The following ATP5F1A variants were observed in gnomAD, a reference collection of about 807,000 sequenced individuals.
The protein encoded by ATP5F1A is ATP synthase F(1) complex subunit alpha, mitochondrial.
Under a neutral mutation model 57.4 loss-of-function variants are expected in ATP5F1A, and 24 were observed. The observed-to-expected ratio is 0.42, with a 90% CI of 0.30 to 0.59. The LOEUF (loss-of-function observed/expected upper bound fraction) is 0.59. Ranked by LOEUF, ATP5F1A falls within the 20% of genes least tolerant of loss-of-function variation. ATP5F1A has a pLI of 0.19. For missense variants in ATP5F1A, 494 were observed against 707.9 expected (o/e 0.70, Z 3.43); for synonymous variants, 251 against 255.5 (o/e 0.98, Z 0.17).
At position 46,095,077 on chromosome 18, in the gene ATP5F1A, A is replaced by C; in HGVS notation, c.115T>G (p.Ser39Ala). The stretch of plus-strand genomic sequence containing the variant: ...CCAGTCTTTTGAAGATGAGTGTTAG[A>C]GGCATGGAAGTTCCTTGCAGCAATG... ...SFIAARNFHASNTHLQKTGTA... is the reference protein window; with the variant it reads ...SFIAARNFHAANTHLQKTGTA... The change falls in exon 2 of 12, where the codon TCT becomes GCT. Residue 39 changes from serine to alanine, a missense_variant. Ser to Ala is a moderately conservative substitution (Grantham distance 99). Around this residue, in one of 6 missense-constraint regions of ATP5F1A, gnomAD observed 142 missense variants for 137.5 expected, o/e 1.03. Coordinates refer to ENST00000398752, the MANE Select transcript of ATP5F1A (RefSeq NM_004046.6). The C allele has an allele frequency of 6.2e-7, 1 of 1,613,656 alleles. No individual in the cohort carries two copies. The highest frequency in any genetic ancestry group is 1.7e-5 in the Admixed American group (1 of 59,970).
At chr18:46,093,529 ACT>A (rs1910714920) in intron 2 of ATP5F1A, among the ~76,000 whole-genome samples, 1 of 151,940 alleles carries the variant, frequency 6.6e-6, no homozygotes, top group African/African-American at 2.4e-5. Context: ...ACAGAGCGAA[ACT>A]CTGTCTCAAA....
intron 2 of ATP5F1A, among the ~76,000 whole-genome samples, chr18:46,093,545 CA>C (rs1910716441): frequency 1.3e-5 from 2 of 151,922 alleles, no homozygotes; most frequent in South Asian, 4.2e-4. Context: ...TCTCAAAAAA[CA>C]AAACAAAACA....
At chr18:46,087,610 T>G in intron 6 of ATP5F1A, 118 bp from the exon 7 acceptor site, 1 of 1,215,874 alleles carries the variant, frequency 8.2e-7, no homozygotes. Context: ...CCAGGCGCAG[T>G]GGCTCATGCC....
intron 8 of ATP5F1A, 155 bp downstream of exon 8, chr18:46,086,853 T>C (rs1359784925): frequency 3.8e-6 from 3 of 793,930 alleles, no homozygotes; most frequent in Non-Finnish European, 6.0e-6. Flanking sequence ...GGGGTTTCAC[T>C]ATGCCATTCT....
intron 3 of ATP5F1A, among the ~76,000 whole-genome samples, chr18:46,090,459 TAGTAGAAAGTGAAATTA>T: frequency 6.6e-6 from 1 of 152,336 alleles, no homozygotes; most frequent in Non-Finnish European, 1.5e-5. Context: ...CTCTTCGAGT[TAGTAGAAAGTGAAATTA>T]AAAGCTACCT....
rs1280455753 is a variant in ATP5F1A at position 46,082,082 on chromosome 18, A to T, written c.*2200T>A. The T allele has an allele frequency of 1.1e-4, 5 of 45,692 alleles. No homozygotes were observed. The highest frequency in any genetic ancestry group is 2.7e-4 in the Non-Finnish European group (5 of 18,414). 2.8% of individuals were successfully genotyped at this position (45,692 alleles called of 1,614,324 possible). ...GACAAAAGCCTTTATATATCAGTAAAAAAAAAAAAAAAAAAAAGAGGCCGG... is the reference window on the plus strand; with the variant it reads ...GACAAAAGCCTTTATATATCAGTAATAAAAAAAAAAAAAAAAAGAGGCCGG... On this transcript the variant is annotated 3_prime_UTR_variant, in exon 12 of 12. Coordinates refer to ENST00000398752, the MANE Select transcript of ATP5F1A (RefSeq NM_004046.6).
rs945405981 is a variant in ATP5F1A at position 46,087,795 on chromosome 18, G to A, written c.800-303C>T. On this transcript the variant is annotated intron_variant, in intron 6 of 11. Coordinates refer to ENST00000398752, the MANE Select transcript of ATP5F1A (RefSeq NM_004046.6). ...CTCGGGAGGCTGAGACAGGAGAATC[G>A]CTTGAACCCAGGAGGCAGAGGTTGC... is the stretch of plus-strand genomic sequence containing the variant. The A allele has an allele frequency of 2.3e-5, 10 of 431,278 alleles. No individual in the cohort carries two copies. The South Asian group carries it at 2.5e-4, about 11-fold the overall frequency. 26.7% of individuals were successfully genotyped at this position (431,278 alleles called of 1,614,324 possible).
chr18:46,093,937 T>C (rs1426437666), intron 2 of ATP5F1A, among the ~76,000 whole-genome samples: 4 of 151,914 alleles, frequency 2.6e-5, no homozygotes, highest in Non-Finnish European at 5.9e-5. Flanking sequence ...TGAAACCTTG[T>C]CTCTACAAAA....
At position 46,089,911 on chromosome 18, in the gene ATP5F1A, T is replaced by C; in HGVS notation, c.395A>G (p.Lys132Arg). The change falls in exon 4 of 12, where the codon AAG becomes AGG. Residue 132 changes from lysine (K) to arginine (R), a missense_variant. This residue lies in a region of ATP5F1A where 191 missense variants were observed against 267.7 expected (regional missense o/e 0.71). Transcript: ENST00000398752. ...AACGTCCACAATGGCTCCTGTCCTC[T>C]TCACTATATCTCCTTCCTTAATTAG... ...DKLIKEGDIVKRTGAIVDVPV... is the reference protein window; with the variant it reads ...DKLIKEGDIVRRTGAIVDVPV... 6.2e-7 allele frequency: 1 copy of C among 1,613,932 alleles called. No individual in the cohort carries two copies.
intron 3 of ATP5F1A, 103 bp downstream of exon 3, chr18:46,091,579 T>C: frequency 1.6e-6 from 2 of 1,272,494 alleles, no homozygotes; most frequent in Non-Finnish European, 1.1e-6. Context: ...TGAGGCAAAT[T>C]AAGACAAAGT....
chr18:46,091,640 G>T, intron 3 of ATP5F1A, 42 bp downstream of exon 3: 1 of 1,508,938 alleles, frequency 6.6e-7, no homozygotes, highest in Non-Finnish European at 8.9e-7. Context: ...TAACTGAGAA[G>T]ACTTAGATCC....
chr18:46,089,406 G>A (rs923195868), intron 5 of ATP5F1A, 160 bp downstream of exon 5: 2 of 800,310 alleles, frequency 2.5e-6, no homozygotes, highest in African/African-American at 3.5e-5. Flanking sequence ...CCACAGGTGT[G>A]GAGGGGCTGG....
At chr18:46,095,152 A>G (rs1466259875) in intron 1 of ATP5F1A, 21 bp from the exon 2 acceptor site, 4 of 1,607,212 alleles carry the variant, frequency 2.5e-6, no homozygotes, top group Non-Finnish European at 3.4e-6. Flanking sequence ...AGTATTCTTA[A>G]AAATTTGATT....
chr18:46,093,105 C>A (rs971678165), intron 2 of ATP5F1A: 1 of 151,856 alleles, frequency 6.6e-6, no homozygotes, highest in African/African-American at 2.4e-5. Flanking sequence ...GCTGAGATAG[C>A]CCCACTGCAC....
intron 2 of ATP5F1A, among the ~76,000 whole-genome samples, chr18:46,092,357 C>G (rs562471033): frequency 6.6e-6 from 1 of 151,456 alleles, no homozygotes; most frequent in African/African-American, 2.4e-5. Context: ...AGTGGTAATG[C>G]TAGCACTTTA....
At position 46,098,261 on chromosome 18, in the gene ATP5F1A, T is replaced by A; in HGVS notation, c.-30A>T. The A allele has an allele frequency of 6.3e-7, 1 of 1,595,770 alleles. No homozygotes were observed. The highest frequency in any genetic ancestry group is 8.5e-7 in the Non-Finnish European group (1 of 1,175,022). On this transcript the variant is annotated 5_prime_UTR_variant, in exon 1 of 12. Transcript: ENST00000398752. ...GCAGTTACTCCGCAGGCGGTACTTC[T>A]GCAGCCGCAGCCTCCGGACTGACTG...
chr18:46,102,100 G>T (rs1457906448), upstream of ATP5F1A, among the ~76,000 whole-genome samples: 1 of 151,342 alleles, frequency 6.6e-6, no homozygotes, highest in Admixed American at 6.6e-5. Context: ...CGTGAACCCG[G>T]GAGGCGGAGC....
Position 46,087,402 on chromosome 18 carries a change from C to G in ATP5F1A, c.890G>C (p.Gly297Ala), listed in dbSNP as rs762688648. The change falls in exon 7 of 12, where the codon GGA becomes GCA. Residue 297 changes from glycine (G) to alanine (A), a missense_variant. Gly to Ala is a moderately conservative substitution (Grantham distance 60, BLOSUM62 0). Coordinates refer to ENST00000398752, the MANE Select transcript of ATP5F1A (RefSeq NM_004046.6). ...TTTGCCATTGTCTCTAAAATACTCT[C>G]CCATGGAACAGCCAGAGTAAGGAGC... ...YLAPYSGCSMGEYFRDNGKHA... is the reference protein window; with the variant it reads ...YLAPYSGCSMAEYFRDNGKHA... The G allele has an allele frequency of 1.2e-6, 2 of 1,614,046 alleles. No homozygotes were observed. Among genetic ancestry groups the G allele is most frequent in the African/African-American group, 1.3e-5 (1 of 74,916 alleles).
At chr18:46,092,221 AT>A (rs1568250901) in intron 2 of ATP5F1A, 26 of 69,772 alleles carry the variant, frequency 3.7e-4, no homozygotes, top group Admixed American at 9.3e-4. Flanking sequence ...AATAATAATA[AT>A]AATAATAAAA....
Sources: gnomAD v4.1 joint callset for allele counts (sites outside exome capture counted in the v4.1 genomes callset) on GRCh38, gnomAD v4.1.1 for gene constraint, gnomAD v4.1.1 regional missense constraint, MANE v1.5 for transcripts, NCBI Gene and HGNC (gene_info 2026-07-23, HGNC 2026-07-21) for gene names.